OXNAD1: variants seen among roughly 807,000 people sequenced by gnomAD.
The protein encoded by OXNAD1 is oxidoreductase NAD binding domain containing 1, also known as oxidoreductase NAD-binding domain-containing protein 1.
A neutral mutation model predicts 32.9 loss-of-function variants in OXNAD1; 34 were observed. The observed-to-expected ratio is 1.03, with a 90% CI of 0.79 to 1.38. OXNAD1 has a LOEUF of 1.38. Ranked by LOEUF, OXNAD1 falls within the 40% of genes most tolerant of loss-of-function variation. The pLI is 0.00. For missense variants in OXNAD1, 407 were observed against 379.4 expected, an observed-to-expected ratio of 1.07 and a Z score of -0.60; for synonymous variants, 134 against 135.2, an observed-to-expected ratio of 0.99 and a Z score of 0.06.
chr3:16,300,767 T>A (rs1281213366), intron 6 of OXNAD1, among the ~76,000 whole-genome samples: 1 of 152,178 alleles, frequency 6.6e-6, no homozygotes, highest in Non-Finnish European at 1.5e-5. Flanking sequence ...TCCTGTAGAT[T>A]TGACCACCAG....
At chr3:16,306,412 C>T (rs748517753), downstream of OXNAD1, among the ~76,000 whole-genome samples, 6 of 152,148 alleles carry the variant, frequency 3.9e-5, no homozygotes, top group Non-Finnish European at 2.9e-5. Context: ...ACAGATACAT[C>T]ACCTCAGCAC....
At chr3:16,295,076 C>T in intron 6 of OXNAD1, 79 bp downstream of exon 6, 2 of 1,459,746 alleles carry the variant, frequency 1.4e-6, no homozygotes, top group Non-Finnish European at 1.8e-6. Context: ...TCATTTGATT[C>T]ACCTAAGAAA....
At chr3:16,350,216 A>T (rs1347735148) in exon 10 of OXNAD1, 1 of 152,344 alleles carries the variant, frequency 6.6e-6, no homozygotes. Context: ...GACCTCATCT[A>T]TAATAAGAAT....
At chr3:16,268,585 C>T (rs2064720491) in intron 1 of OXNAD1, among the ~76,000 whole-genome samples, 1 of 151,982 alleles carries the variant, frequency 6.6e-6, no homozygotes, top group Non-Finnish European at 1.5e-5. Context: ...CCCACCTCAT[C>T]CTCCCAAAGT....
chr3:16,286,303 A>G, intron 4 of OXNAD1, 39 bp from the exon 5 acceptor site: 1 of 1,469,278 alleles, frequency 6.8e-7, no homozygotes, highest in East Asian at 2.3e-5. Context: ...TGTGCTGTGT[A>G]CGCACTAACC....
chr3:16,294,733 CCT>C, intron 5 of OXNAD1, 121 bp from the exon 6 acceptor site: 1 of 922,556 alleles, frequency 1.1e-6, no homozygotes, highest in Non-Finnish European at 1.6e-6. Flanking sequence ...GATGATATCT[CCT>C]CTTTTATTCT....
At chr3:16,328,300 A>G (rs1180765787) in intron 9 of OXNAD1, among the ~76,000 whole-genome samples, 2 of 152,256 alleles carry the variant, frequency 1.3e-5, no homozygotes, top group Non-Finnish European at 2.9e-5. Context: ...CTTAACTCAG[A>G]GGCAGCGCGC....
chr3:16,304,242 T>C lies in OXNAD1; in HGVS notation c.*680T>C, dbSNP rs575238226. 2.6e-5 allele frequency: 4 copies of C among 152,412 alleles called. No homozygotes were observed. In the South Asian group the frequency reaches 8.3e-4, roughly 32 times the overall value. The allele number at this position is 152,412 out of a possible 1,614,324, so 9.4% of individuals were successfully genotyped here. On this transcript the variant is annotated 3_prime_UTR_variant, in exon 9 of 9. Coordinates refer to ENST00000285083, the MANE Select transcript of OXNAD1 (RefSeq NM_138381.5). The surrounding 1 kb of genome is among the most constrained non-coding windows in gnomAD (Gnocchi z 4.6). ...GTGTCTTGGCTGTCTGCCTTAACGC[T>C]GTAGGAGGCAGCTTCTTGCTTGGGA...
rs2064942525 is a variant in OXNAD1 at position 16,271,533 on chromosome 3, C to T, written c.120-126C>T. 6.4e-6 allele frequency: 5 copies of T among 785,472 alleles called. No individual in the cohort carries two copies. In the Admixed American group the frequency reaches 1.7e-4, roughly 27 times the overall value. The allele number at this position is 785,472 out of a possible 1,614,324, so 48.7% of individuals were successfully genotyped here. ...CTTTAGTTAGACGGGCAGATACTCA[C>T]TGGCCATTTTATAGGATCTGTAATG... On this transcript the variant is annotated intron_variant, in intron 3 of 8. Coordinates refer to ENST00000285083, the MANE Select transcript of OXNAD1 (RefSeq NM_138381.5). This position sits in a 1 kb window ranked among gnomAD's most constrained non-coding sequence, Gnocchi z 4.6.
chr3:16,318,021 C>T (rs9817725), intron 9 of OXNAD1, among the ~76,000 whole-genome samples: 35,816 of 152,114 alleles, frequency 0.24, 5,903 homozygotes, highest in African/African-American at 0.48. Flanking sequence ...TCTCAGAGGC[C>T]GCTTCCCGGG....
At position 16,294,500 on chromosome 3, in the gene OXNAD1, C is replaced by T. The variant is rs187215546; in HGVS notation, c.291-356C>T. On this transcript the variant is annotated intron_variant, in intron 5 of 8. Transcript: ENST00000285083. ...CTGGGATTACAGGCGTGAGCCACTG[C>T]GACTGGCCTGGGCCTGAGCTTTTCT... is the stretch of plus-strand genomic sequence containing the variant. Among the ~76,000 whole-genome samples, 348 of 152,312 alleles carry T rather than the reference C, an allele frequency of 2.3e-3. 2 individuals carry two copies. The highest frequency in any genetic ancestry group is 8.1e-3 in the African/African-American group (337 of 41,572).
rs370673551 is a variant in OXNAD1 at position 16,302,642 on chromosome 3, A to G, written c.678A>G (p.Lys226=). Residue 226 remains lysine, a splice_region_variant and synonymous_variant, in exon 8 of 9, where the codon AAA becomes AAG. Transcript: ENST00000285083. The surrounding 1 kb of genome is among the most constrained non-coding windows in gnomAD (Gnocchi z 4.2). The part of the protein sequence containing the change: ...AKNTSELLFK[K]NILDLVNEFP... ...ACCAAATATGTTTGACATTCCAGAA[A>G]AATATCCTTGATTTAGTAAATGAAT... 810 of 1,606,528 alleles carry G rather than the reference A, an allele frequency of 5.0e-4. No homozygotes were observed. Among genetic ancestry groups the G allele is most frequent in the Non-Finnish European group, 6.7e-4 (783 of 1,174,214 alleles).
rs2067472957 is a variant in OXNAD1, at chr3:16,305,288, A to C, written c.*1726A>C. The C allele has an allele frequency of 6.6e-6, 1 of 152,202 alleles. No individual in the cohort carries two copies. Among genetic ancestry groups the C allele is most frequent in the African/African-American group, 2.4e-5 (1 of 41,414 alleles). 9.4% of individuals were successfully genotyped at this position (152,202 alleles called of 1,614,324 possible). A position where few individuals can be genotyped will look rare whatever the true frequency, so the allele number is the denominator to read the frequency against. ...GCAAAGTGAGCATCTCCAGTGCAGC[A>C]TGGGATGGGAAGATAGGGAGGTGTC... is the stretch of plus-strand genomic sequence containing the variant. On this transcript the variant is annotated 3_prime_UTR_variant, in exon 9 of 9. Coordinates refer to ENST00000285083, the MANE Select transcript of OXNAD1 (RefSeq NM_138381.5). The surrounding 1 kb of genome is among the most constrained non-coding windows in gnomAD (Gnocchi z 4.5).
At position 16,320,373 on chromosome 3, in the gene OXNAD1, A is replaced by C. The variant is rs963968848; in HGVS notation, c.*31-16739A>C. 1.3e-5 allele frequency among the ~76,000 whole-genome samples: 2 copies of C among 152,198 alleles called. No homozygotes were observed. The highest frequency in any genetic ancestry group is 4.8e-5 in the African/African-American group (2 of 41,454). On this transcript the variant is annotated intron_variant, in intron 9 of 9. Transcript: ENST00000435829. This position sits in a 1 kb window ranked among gnomAD's most constrained non-coding sequence, Gnocchi z 4.5. Reference sequence around the variant, plus strand: ...CACATCCTCGGTGTGCCAATCTTGCAGTTTCTTTTCTTAAGTTTTAATGCT... The same window carrying C: ...CACATCCTCGGTGTGCCAATCTTGCCGTTTCTTTTCTTAAGTTTTAATGCT...
chr3:16,272,083 G>A, intron 4 of OXNAD1: 1 of 437,092 alleles, frequency 2.3e-6, no homozygotes, highest in African/African-American at 2.1e-5. Flanking sequence ...GTTTTTTTGT[G>A]TGGGGTCTTT....
At chr3:16,272,665 T>C (rs2065037156) in intron 4 of OXNAD1, among the ~76,000 whole-genome samples, 1 of 150,582 alleles carries the variant, frequency 6.6e-6, no homozygotes, top group African/African-American at 2.4e-5. Context: ...TTTTTTTTTT[T>C]TTGAGAAGTC....
At position 16,301,755 on chromosome 3, in the gene OXNAD1, C is replaced by G. The variant is rs571163653; in HGVS notation, c.562C>G (p.Leu188Val). ...CGGAATTAACCCTCTGCTTTCCATC[C>G]TGCGGCACGCAGCAGATCTCCTCAG... ...GVGINPLLSI[L>V]RHAADLLREQ... The change falls in exon 7 of 9, where the codon CTG (leucine) becomes GTG (valine). Residue 188 changes from leucine (L) to valine (V), a missense_variant. Leu to Val is a conservative substitution (Grantham distance 32). Coordinates refer to ENST00000285083, the MANE Select transcript of OXNAD1 (RefSeq NM_138381.5). This position sits in a 1 kb window ranked among gnomAD's most constrained non-coding sequence, Gnocchi z 4.1. The G allele has an allele frequency of 1.2e-6, 2 of 1,614,056 alleles. No homozygotes were observed. Among genetic ancestry groups the G allele is most frequent in the Non-Finnish European group, 1.7e-6 (2 of 1,179,988 alleles).
intron 9 of OXNAD1, among the ~76,000 whole-genome samples, chr3:16,326,492 G>A (rs73142370): frequency 0.049 from 7,488 of 152,248 alleles, 572 homozygotes; most frequent in African/African-American, 0.17. Context: ...TGCATTGGAG[G>A]CTCTGAGCCC....
At chr3:16,318,226 T>C (rs1028755926) in intron 9 of OXNAD1, among the ~76,000 whole-genome samples, 6 of 152,238 alleles carry the variant, frequency 3.9e-5, no homozygotes, top group East Asian at 1.9e-4. Flanking sequence ...CTCATCTCGG[T>C]GGCCCAGAGT....
Sources: allele counts gnomAD v4.1 joint callset (sites outside exome capture counted in the v4.1 genomes callset), GRCh38; gene constraint gnomAD v4.1.1; non-coding constraint Gnocchi (gnomAD v3.1); transcripts MANE v1.5; gene names NCBI Gene and HGNC (gene_info 2026-07-23, HGNC 2026-07-21).